Variants in CPNE3 observed in about 807,000 individuals in gnomAD.
CPNE3 encodes copine 3.
A neutral mutation model predicts 63.9 loss-of-function variants in CPNE3; 68 were observed. The ratio of observed to expected loss-of-function variants is 1.06; its 90% confidence interval spans 0.87 to 1.30. The LOEUF (loss-of-function observed/expected upper bound fraction) is 1.30, where lower values mean the gene tolerates loss of function less well. Among genes scored for constraint, CPNE3 ranks in the 50% most tolerant of loss-of-function variants. The pLI is 0.00. For missense variants in CPNE3, 665 were observed against 578.1 expected, an observed-to-expected ratio of 1.15 and a Z score of -1.54; for synonymous variants, 219 against 197.5, an observed-to-expected ratio of 1.11 and a Z score of -0.91.
intron 7 of CPNE3, among the ~76,000 whole-genome samples, chr8:86,539,215 T>C (rs999531083): frequency 4.6e-5 from 7 of 152,220 alleles, no homozygotes; most frequent in African/African-American, 1.2e-4. Flanking sequence ...GAGCTCGTAG[T>C]CTCTAAAATG....
At chr8:86,541,405 A>T (rs751584272) in intron 8 of CPNE3, among the ~76,000 whole-genome samples, 3 of 152,136 alleles carry the variant, frequency 2.0e-5, no homozygotes, top group Non-Finnish European at 4.4e-5. Flanking sequence ...ATTGTTACTG[A>T]AAAACTGCTT....
At chr8:86,536,624 A>G (rs1004726522) in intron 6 of CPNE3, among the ~76,000 whole-genome samples, 1 of 152,208 alleles carries the variant, frequency 6.6e-6, no homozygotes, top group African/African-American at 2.4e-5. Context: ...AAGTTAATTC[A>G]GGACTAAAGA....
intron 2 of CPNE3, among the ~76,000 whole-genome samples, chr8:86,522,548 CTT>C (rs36073581): frequency 6.1e-5 from 5 of 82,182 alleles, no homozygotes; most frequent in African/African-American, 1.2e-4. Flanking sequence ...ACGCCCGCTG[CTT>C]TTTTTTTTTT....
At chr8:86,547,118 T>A (rs1313898819) in intron 10 of CPNE3, among the ~76,000 whole-genome samples, 1 of 152,198 alleles carries the variant, frequency 6.6e-6, no homozygotes, top group Non-Finnish European at 1.5e-5. Context: ...CACATGAGCA[T>A]CTGGTCACCT....
intron 11 of CPNE3, 47 bp from the exon 12 acceptor site, chr8:86,548,254 G>T (rs375415232): frequency 6.2e-7 from 1 of 1,603,504 alleles, no homozygotes; most frequent in African/African-American, 1.3e-5. Context: ...TCAAGCACAG[G>T]TGTCCCTGCC....
chr8:86,534,277 A>G (rs919055342), intron 6 of CPNE3, among the ~76,000 whole-genome samples: 2 of 152,190 alleles, frequency 1.3e-5, no homozygotes, highest in Non-Finnish European at 2.9e-5. Flanking sequence ...CAATGGTGGC[A>G]TGTAATTCCA....
chr8:86,545,123 T>A (rs72690467), intron 9 of CPNE3: 1 of 199,416 alleles, frequency 5.0e-6, no homozygotes, highest in African/African-American at 2.3e-5. Context: ...AGAAGTCCAA[T>A]CCTTTTGCCT....
chr8:86,525,407 G>A (rs1820520395), intron 2 of CPNE3, among the ~76,000 whole-genome samples: 1 of 152,146 alleles, frequency 6.6e-6, no homozygotes, highest in Admixed American at 6.5e-5. Flanking sequence ...CCATTAACAA[G>A]ATTCCAGACC....
chr8:86,532,184 G>A (rs1820697833), intron 5 of CPNE3, among the ~76,000 whole-genome samples: 1 of 152,128 alleles, frequency 6.6e-6, no homozygotes, highest in Admixed American at 6.6e-5. Flanking sequence ...CAGTGTTTAG[G>A]GAACTTCAGT....
At position 86,539,660 on chromosome 8, in the gene CPNE3, G is replaced by GTTTTTTTTTTTTTTTTTTTTTT. The variant is rs369540210; in HGVS notation, c.544-565_544-564insTTTTTTTTTTTTTTTTTTTTTT. On this transcript the variant is annotated intron_variant, in intron 7 of 16. Coordinates refer to ENST00000517490, the MANE Select transcript of CPNE3 (RefSeq NM_003909.5). ...CTATTAAAATCAATAATCCTCCGCA[G>GTTTTTTTTTTTTTTTTTTTTTT]TTTTTTTTTTTTTTTTTTTTGAGAC... Among the ~76,000 whole-genome samples the GTTTTTTTTTTTTTTTTTTTTTT allele has an allele frequency of 3.7e-5, 4 of 108,152 alleles. 1 individual carries two copies. Among genetic ancestry groups the GTTTTTTTTTTTTTTTTTTTTTT allele is most frequent in the Non-Finnish European group, 1.8e-5 (1 of 56,288 alleles). 71.0% of individuals were successfully genotyped at this position (108,152 alleles called of 152,430 possible).
chr8:86,557,212 C>T (rs1265261783), intron 16 of CPNE3, among the ~76,000 whole-genome samples: 1 of 152,150 alleles, frequency 6.6e-6, no homozygotes, highest in African/African-American at 2.4e-5. Context: ...TACAGTACTG[C>T]AACTTCCGCC....
chr8:86,547,793 C>T (rs755482517), intron 11 of CPNE3, 23 bp downstream of exon 11: 4 of 1,093,644 alleles, frequency 3.7e-6, no homozygotes, highest in Non-Finnish European at 4.2e-6. Flanking sequence ...CTGAATTTTT[C>T]AGCATAGGCT....
At chr8:86,553,248 T>C (rs979827565) in intron 14 of CPNE3, among the ~76,000 whole-genome samples, 2 of 152,016 alleles carry the variant, frequency 1.3e-5, no homozygotes, top group African/African-American at 4.8e-5. Flanking sequence ...CCCCTGCCTA[T>C]GAATTAGTTA....
intron 2 of CPNE3, among the ~76,000 whole-genome samples, chr8:86,518,865 C>T (rs1419000942): frequency 6.6e-6 from 1 of 152,038 alleles, no homozygotes; most frequent in Admixed American, 6.6e-5. Context: ...CTCCACCTCC[C>T]AGGCTCAAGC....
At chr8:86,537,215 A>G (rs67671364) in intron 6 of CPNE3, among the ~76,000 whole-genome samples, 6,656 of 152,296 alleles carry the variant, frequency 0.044, 201 homozygotes, top group African/African-American at 0.075. Context: ...GATATCATTT[A>G]TATAAAACTA....
intron 12 of CPNE3, among the ~76,000 whole-genome samples, chr8:86,550,310 G>A (rs1040650904): frequency 6.6e-6 from 1 of 152,152 alleles, no homozygotes; most frequent in South Asian, 2.1e-4. Context: ...GTACAGTGGT[G>A]CAGTCACAGT....
chr8:86,556,414 GATT>G (rs1821328292), intron 16 of CPNE3, 76 bp downstream of exon 16: 2 of 836,206 alleles, frequency 2.4e-6, no homozygotes, highest in Non-Finnish European at 4.2e-6. Context: ...CCAGGCAGTT[GATT>G]AGGTGTGCAG....
At chr8:86,553,430 G>A (rs761464323) in intron 14 of CPNE3, among the ~76,000 whole-genome samples, 1 of 152,156 alleles carries the variant, frequency 6.6e-6, no homozygotes, top group African/African-American at 2.4e-5. Flanking sequence ...CCACATGTAT[G>A]ACAGTAGGCC....
At chr8:86,534,008 C>T (rs942546034) in intron 6 of CPNE3, among the ~76,000 whole-genome samples, 1 of 152,096 alleles carries the variant, frequency 6.6e-6, no homozygotes, top group Non-Finnish European at 1.5e-5. Flanking sequence ...CACCTGTAGT[C>T]CCAGCTACTC....
Sources: allele counts gnomAD v4.1 joint callset (sites outside exome capture counted in the v4.1 genomes callset), GRCh38; gene constraint gnomAD v4.1.1; transcripts MANE v1.5; gene names NCBI Gene and HGNC (gene_info 2026-07-23, HGNC 2026-07-21).